The following ZBTB40 variants were observed in gnomAD, a reference collection of about 807,000 sequenced individuals.
The protein encoded by ZBTB40 is zinc finger and BTB domain-containing protein 40.
Under a neutral mutation model 117.5 loss-of-function variants are expected in ZBTB40, and 60 were observed. That is an observed-to-expected ratio of 0.51 (90% CI 0.41 to 0.63). The LOEUF is 0.63. ZBTB40 is among the 30% of genes least tolerant of loss of function. The pLI, the probability that ZBTB40 is intolerant of heterozygous loss-of-function variation, is 0.00. For missense variants in ZBTB40, 1,287 were observed against 1,498.5 expected (o/e 0.86, Z 2.33); for synonymous variants, 525 against 577.1 (o/e 0.91, Z 1.29).
intron 1 of ZBTB40, among the ~76,000 whole-genome samples, chr1:22,452,337 C>T (rs1307057112): frequency 6.6e-6 from 1 of 152,260 alleles, no homozygotes; most frequent in Non-Finnish European, 1.5e-5. Flanking sequence ...GTCTCACTCC[C>T]CCTCCCTTCA....
At chr1:22,445,867 A>C (rs974315997) in intron 1 of ZBTB40, among the ~76,000 whole-genome samples, 3 of 152,080 alleles carry the variant, frequency 2.0e-5, no homozygotes, top group East Asian at 1.9e-4. Flanking sequence ...AAAAAAAAAA[A>C]AAACAAAAAA....
chr1:22,431,384 G>GTGTGTATATATATATA (rs1222294324), intron 1 of ZBTB40, among the ~76,000 whole-genome samples: 227 of 119,666 alleles, frequency 1.9e-3, no homozygotes, highest in African/African-American at 7.8e-3. Flanking sequence ...GTGTGTGTGT[G>GTGTGTATATATATATA]TATATATATA....
At chr1:22,468,878 A>G (rs2870140) in intron 1 of ZBTB40, among the ~76,000 whole-genome samples, 43,693 of 151,790 alleles carry the variant, frequency 0.29, 7,688 homozygotes, top group East Asian at 0.46. Flanking sequence ...TCAGGCTGGA[A>G]TACAGTGGCA....
chr1:22,451,614 C>T (rs1451943224), upstream of ZBTB40, among the ~76,000 whole-genome samples: 1 of 150,592 alleles, frequency 6.6e-6, no homozygotes, highest in Non-Finnish European at 1.5e-5. Flanking sequence ...CGCTACACTC[C>T]AGCCTGGGAA....
At chr1:22,499,504 A>G (rs1299561315) in intron 3 of ZBTB40, among the ~76,000 whole-genome samples, 1 of 152,206 alleles carries the variant, frequency 6.6e-6, no homozygotes, top group African/African-American at 2.4e-5. Context: ...AAGTCAACTA[A>G]CAAAAGCATG....
At position 22,526,960 on chromosome 1, in the gene ZBTB40, C is replaced by G. The variant is rs1639696594; in HGVS notation, c.*564C>G. The G allele has an allele frequency of 5.0e-6, 1 of 199,128 alleles. No individual in the cohort carries two copies. Among genetic ancestry groups the G allele is most frequent in the Non-Finnish European group, 1.0e-5 (1 of 95,808 alleles). 12.3% of individuals were successfully genotyped at this position (199,128 alleles called of 1,614,324 possible). A position where few individuals can be genotyped will look rare whatever the true frequency, so the allele number is the denominator to read the frequency against. On this transcript the variant is annotated 3_prime_UTR_variant, in exon 18 of 18. Transcript: ENST00000375647. Reference sequence around the variant, plus strand: ...ACCCTCTGCTGGGGTTCCCCCTCCACCCAGTGGCCACGCCCAGCACCCTAT... The same window carrying G: ...ACCCTCTGCTGGGGTTCCCCCTCCAGCCAGTGGCCACGCCCAGCACCCTAT...
rs377458696 is a variant in ZBTB40 at position 22,508,695 on chromosome 1, C to A, written c.1663C>A (p.Arg555=). 1.5e-5 allele frequency: 25 copies of A among 1,613,976 alleles called. No individual in the cohort carries two copies. In the South Asian group the frequency reaches 2.5e-4, roughly 16 times the overall value. Residue 555 remains arginine (R), a synonymous_variant, in exon 8 of 18, where the codon CGA becomes AGA. Transcript: ENST00000375647. ...ATTGGACCTGCTCATGGAGGAAATACGAAGGGAGCCTGGTGCCGATGCTTT... is the reference window on the plus strand; with the variant it reads ...ATTGGACCTGCTCATGGAGGAAATAAGAAGGGAGCCTGGTGCCGATGCTTT... The part of the protein sequence containing the change: ...CPLDLLMEEI[R]REPGADAFFR...
chr1:22,467,018 C>A (rs1331447854), intron 1 of ZBTB40, among the ~76,000 whole-genome samples: 4 of 151,796 alleles, frequency 2.6e-5, no homozygotes, highest in Non-Finnish European at 5.9e-5. Flanking sequence ...TGGCTGTATG[C>A]CATATTTACT....
intron 1 of ZBTB40, among the ~76,000 whole-genome samples, chr1:22,440,950 G>A (rs1569741484): frequency 6.6e-6 from 1 of 151,998 alleles, no homozygotes; most frequent in East Asian, 1.9e-4. Context: ...TTTTCTTGTA[G>A]TGCCCTTGTC....
rs1006006902 is a variant in ZBTB40, at chr1:22,531,006, C to T, written c.*4610C>T. 2.0e-5 allele frequency: 3 copies of T among 152,104 alleles called. No homozygotes were observed. The highest frequency in any genetic ancestry group is 6.5e-5 in the Admixed American group (1 of 15,284). 9.4% of individuals were successfully genotyped at this position (152,104 alleles called of 1,614,324 possible). ...GTGTGAGATGCTTACTCTCTCTGAG[C>T]TCCCTCCTCCTGGCTCCCAACTTTA... On this transcript the variant is annotated 3_prime_UTR_variant, in exon 18 of 18. Transcript: ENST00000375647.
chr1:22,474,735 C>G (rs1641513731), intron 1 of ZBTB40, among the ~76,000 whole-genome samples: 1 of 152,076 alleles, frequency 6.6e-6, no homozygotes, highest in South Asian at 2.1e-4. Flanking sequence ...ACCTTAGTTT[C>G]CTCCTTTAAA....
chr1:22,447,576 T>G (rs1640804308), upstream of ZBTB40, among the ~76,000 whole-genome samples: 1 of 152,204 alleles, frequency 6.6e-6, no homozygotes, highest in African/African-American at 2.4e-5. Context: ...GACGGGCCTG[T>G]GAGCCATCTC....
chr1:22,488,005 G>T (rs1183817183), intron 1 of ZBTB40, among the ~76,000 whole-genome samples: 3 of 152,078 alleles, frequency 2.0e-5, no homozygotes, highest in Non-Finnish European at 4.4e-5. Context: ...CCTCATGCAG[G>T]CGTCCCTGCC....
rs187025253 is a variant in ZBTB40, at chr1:22,509,246, T to C, written c.1833+13T>C. 6.2e-7 allele frequency: 1 copy of C among 1,614,188 alleles called. No individual in the cohort carries two copies. The highest frequency in any genetic ancestry group is 2.2e-5 in the East Asian group (1 of 44,880). The stretch of plus-strand genomic sequence containing the variant: ...GACTGTGAAAGAGGTGTGGTGGGAA[T>C]AAAAAGCGAAATGCCAGAGAGTTTT... On this transcript the variant is annotated intron_variant, in intron 9 of 17. Coordinates refer to ENST00000375647, the MANE Select transcript of ZBTB40 (RefSeq NM_014870.4).
chr1:22,524,199 C>T lies in ZBTB40; in HGVS notation c.3299-19C>T, dbSNP rs1322198840. 6.2e-7 allele frequency: 1 copy of T among 1,613,406 alleles called. No individual in the cohort carries two copies. Among genetic ancestry groups the T allele is most frequent in the Non-Finnish European group, 8.5e-7 (1 of 1,179,386 alleles). ...GAATTTTACCCACAGCCCTCCCCTT[C>T]TGTCTCCCTCTCCTCCAGGGTCCCA... On this transcript the variant is annotated intron_variant, in intron 16 of 17. Transcript: ENST00000375647.
In ZBTB40 at chr1:22,490,233, C is replaced by G. The variant is rs1308579194; in HGVS notation, c.285C>G (p.Ser95=). ...VGKHNFSKII[S]LADSLQMFDV... ...AGCACAACTTCTCCAAAATCATCTC[C>G]TTAGCAGACAGTCTACAGATGTTTG... Residue 95 remains serine, a synonymous_variant, in exon 2 of 18, where the codon TCC becomes TCG. Coordinates refer to ENST00000375647, the MANE Select transcript of ZBTB40 (RefSeq NM_014870.4). The G allele has an allele frequency of 2.5e-6, 4 of 1,614,224 alleles. No homozygotes were observed. The highest frequency in any genetic ancestry group is 3.4e-6 in the Non-Finnish European group (4 of 1,180,036).
chr1:22,446,370 A>G (rs1379642993), intron 1 of ZBTB40, among the ~76,000 whole-genome samples: 3 of 152,096 alleles, frequency 2.0e-5, no homozygotes, highest in Non-Finnish European at 2.9e-5. Context: ...AATAACGGAT[A>G]ATTTCCCAAA....
chr1:22,431,384 G>GTGTGTGTATATATATATATA, intron 1 of ZBTB40, among the ~76,000 whole-genome samples: 1 of 119,696 alleles, frequency 8.4e-6, no homozygotes, highest in African/African-American at 3.7e-5. Flanking sequence ...GTGTGTGTGT[G>GTGTGTGTATATATATATATA]TATATATATA....
At chr1:22,483,586 C>T (rs1265556896) in intron 1 of ZBTB40, among the ~76,000 whole-genome samples, 2 of 152,182 alleles carry the variant, frequency 1.3e-5, no homozygotes, top group East Asian at 3.9e-4. Flanking sequence ...TGCATATCTT[C>T]TTTGATGAGG....
Sources: allele counts gnomAD v4.1 joint callset (sites outside exome capture counted in the v4.1 genomes callset), GRCh38; gene constraint gnomAD v4.1.1; transcripts MANE v1.5; gene names NCBI Gene and HGNC (gene_info 2026-07-23, HGNC 2026-07-21).